DDX25: variants seen among roughly 807,000 people sequenced by gnomAD.
The protein encoded by DDX25 is ATP-dependent RNA helicase DDX25.
DDX25 carries 70 observed loss-of-function variants against 64.6 expected under a neutral mutation model. The ratio of observed to expected loss-of-function variants is 1.08; its 90% CI spans 0.89 to 1.32. The LOEUF is 1.32. DDX25 is among the 40% of genes most tolerant of loss of function. The pLI, the probability that DDX25 is intolerant of heterozygous loss-of-function variation, is 0.00. For synonymous variants in DDX25, 211 were observed against 213.3 expected (o/e 0.99, Z 0.09); for missense variants, 587 against 604.4 (o/e 0.97, Z 0.30).
At position 125,925,583 on chromosome 11, in the gene DDX25, G is replaced by A. The variant is rs1945159774; in HGVS notation, c.*2702G>A. ...GGCAAGGAAACACCAGGTGATTTCA[G>A]TGCAACTGTGAGCTGGGTTCATCAG... On this transcript the variant is annotated 3_prime_UTR_variant, in exon 12 of 12. Transcript: ENST00000263576. The A allele has an allele frequency of 2.4e-6, 1 of 409,162 alleles. No individual in the cohort carries two copies. The highest frequency in any genetic ancestry group is 1.7e-5 in the South Asian group (1 of 58,214). The allele number at this position is 409,162 out of a possible 1,614,324, so 25.3% of individuals were successfully genotyped here.
In DDX25 at chr11:125,920,924, A is replaced by G. The variant is rs1591521772; in HGVS notation, c.1202-267A>G. Reference sequence around the variant, plus strand: ...CTCTCCACCACACACACACATACACACACACACACACACACACACACACAC... The same window carrying G: ...CTCTCCACCACACACACACATACACGCACACACACACACACACACACACAC... On this transcript the variant is annotated intron_variant, in intron 10 of 11. Coordinates refer to ENST00000263576, the MANE Select transcript of DDX25 (RefSeq NM_013264.5). The G allele has an allele frequency of 6.0e-5, 9 of 150,012 alleles. No homozygotes were observed. In the East Asian group the frequency reaches 7.4e-4, roughly 12 times the overall value. 9.3% of individuals were successfully genotyped at this position (150,012 alleles called of 1,614,324 possible).
chr11:125,916,854 G>T (rs1279162431), intron 8 of DDX25, among the ~76,000 whole-genome samples, 160 bp from the exon 9 acceptor site: 1 of 152,170 alleles, frequency 6.6e-6, no homozygotes, highest in Admixed American at 6.6e-5. Flanking sequence ...GCAAGGAGGG[G>T]CAGGACCTTG....
chr11:125,904,466 C>G (rs1944846320), upstream of DDX25: 2 of 1,445,418 alleles, frequency 1.4e-6, no homozygotes, highest in Non-Finnish European at 1.8e-6. Context: ...CCAGCACCGC[C>G]TCGCGCCGGT....
chr11:125,905,422 C>A, intron 2 of DDX25, 131 bp from the exon 3 acceptor site: 1 of 1,327,216 alleles, frequency 7.5e-7, no homozygotes, highest in Non-Finnish European at 1.0e-6. Flanking sequence ...TCGTTTCGTC[C>A]ATTCCTCCAT....
In DDX25 at chr11:125,927,866, A is replaced by C. The variant is rs1159097122; in HGVS notation, c.*4985A>C. The C allele has an allele frequency of 6.6e-6, 1 of 152,182 alleles. No homozygotes were observed. Among genetic ancestry groups the C allele is most frequent in the African/African-American group, 2.4e-5 (1 of 41,438 alleles). The allele number at this position is 152,182 out of a possible 1,614,324, so 9.4% of individuals were successfully genotyped here. On this transcript the variant is annotated 3_prime_UTR_variant, in exon 12 of 12. Transcript: ENST00000263576. ...TGAATAACCAGGAGTTCAGAATAAAATGATCTCGGAGACTCTGTCCATTCT... is the reference window on the plus strand; with the variant it reads ...TGAATAACCAGGAGTTCAGAATAAACTGATCTCGGAGACTCTGTCCATTCT...
intron 8 of DDX25, among the ~76,000 whole-genome samples, chr11:125,911,879 G>A (rs1944973353): frequency 6.6e-6 from 1 of 152,146 alleles, no homozygotes; most frequent in South Asian, 2.1e-4. Flanking sequence ...TCAGGAGACT[G>A]GTAATCTAGT....
chr11:125,905,071 A>G, intron 1 of DDX25, 141 bp from the exon 2 acceptor site: 1 of 712,982 alleles, frequency 1.4e-6, no homozygotes, highest in East Asian at 2.8e-5. Flanking sequence ...CTTGAAAGGA[A>G]TCTGCTGCTA....
chr11:125,916,582 C>T (rs1565466590), intron 8 of DDX25, among the ~76,000 whole-genome samples: 2 of 152,200 alleles, frequency 1.3e-5, no homozygotes, highest in Non-Finnish European at 2.9e-5. Context: ...CATTCTGAAT[C>T]AAGTTAGTTG....
intron 8 of DDX25, among the ~76,000 whole-genome samples, chr11:125,915,309 C>A (rs1366339701): frequency 2.6e-5 from 4 of 152,174 alleles, no homozygotes; most frequent in Admixed American, 2.6e-4. Context: ...TTTCTAATAG[C>A]CACATCCAAA....
In DDX25 at chr11:125,924,736, A is replaced by C. The variant is rs930674221; in HGVS notation, c.*1855A>C. 6.6e-6 allele frequency: 1 copy of C among 152,292 alleles called. No homozygotes were observed. Among genetic ancestry groups the C allele is most frequent in the African/African-American group, 2.4e-5 (1 of 41,472 alleles). 9.4% of individuals were successfully genotyped at this position (152,292 alleles called of 1,614,324 possible). On this transcript the variant is annotated 3_prime_UTR_variant, in exon 12 of 12. Transcript: ENST00000263576. The stretch of plus-strand genomic sequence containing the variant: ...AGAGCCCAGAAATACCCACTTCCAT[A>C]AGGGAGCCGCAAGTGCAGGTAGAGC...
rs1432730098 is a variant in DDX25 at position 125,923,490 on chromosome 11, C to G, written c.*609C>G. 6.6e-6 allele frequency: 1 copy of G among 152,092 alleles called. No homozygotes were observed. Among genetic ancestry groups the G allele is most frequent in the Non-Finnish European group, 1.5e-5 (1 of 68,030 alleles). The allele number at this position is 152,092 out of a possible 1,614,324, so 9.4% of individuals were successfully genotyped here. On this transcript the variant is annotated 3_prime_UTR_variant, in exon 12 of 12. Transcript: ENST00000263576. ...AGTATTTTTCTATTTTGCTTCTCTT[C>G]AAATTAAAGATTTACTCCCTCATCA...
At chr11:125,911,955 T>A (rs1040279905) in intron 8 of DDX25, among the ~76,000 whole-genome samples, 3 of 152,214 alleles carry the variant, frequency 2.0e-5, no homozygotes, top group African/African-American at 7.2e-5. Flanking sequence ...CAGGATCACC[T>A]GAGGGATTTA....
intron 8 of DDX25, 109 bp from the exon 9 acceptor site, chr11:125,916,905 C>T: frequency 3.8e-6 from 4 of 1,048,386 alleles, no homozygotes; most frequent in Non-Finnish European, 5.6e-6. Flanking sequence ...GCAGGCAGCA[C>T]CTCACGTGGA....
intron 4 of DDX25, among the ~76,000 whole-genome samples, chr11:125,906,823 C>CAA (rs548482997): frequency 0.45 from 50,599 of 111,648 alleles, 11,025 homozygotes; most frequent in South Asian, 0.57. Flanking sequence ...GACTCCGTCT[C>CAA]AAAAAAAAAA....
chr11:125,905,669 A>C (rs1324854788), intron 3 of DDX25, 72 bp downstream of exon 3: 1 of 1,419,080 alleles, frequency 7.0e-7, no homozygotes, highest in Non-Finnish European at 9.7e-7. Context: ...AGTGTGAGTG[A>C]ATAATATAAT....
chr11:125,906,854 A>G (rs1944896389), intron 4 of DDX25, among the ~76,000 whole-genome samples: 1 of 151,646 alleles, frequency 6.6e-6, no homozygotes. Context: ...TATTCTAAAG[A>G]AGAACATTAG....
In DDX25 at chr11:125,905,407, C is replaced by A. The variant is rs1021856598; in HGVS notation, c.130+129C>A. ...GACATTCAGCACTCTCCATTACCTT[C>A]CCAATCGTTTCGTCCATTCCTCCAT... On this transcript the variant is annotated intron_variant, in intron 2 of 11. Coordinates refer to ENST00000263576, the MANE Select transcript of DDX25 (RefSeq NM_013264.5). 6.7e-6 allele frequency: 9 copies of A among 1,337,202 alleles called. No individual in the cohort carries two copies. In the African/African-American group the frequency reaches 1.3e-4, roughly 19 times the overall value. The allele number at this position is 1,337,202 out of a possible 1,614,324, so 82.8% of individuals were successfully genotyped here.
In DDX25 at chr11:125,923,780, C is replaced by T. The variant is rs1411262131; in HGVS notation, c.*899C>T. On this transcript the variant is annotated 3_prime_UTR_variant, in exon 12 of 12. Transcript: ENST00000263576. ...AAGATGGGGTAAATGGAGAGTCCCC[C>T]AGAAAGCCGGAGCGGATCTTGTAAC... is the stretch of plus-strand genomic sequence containing the variant. 7 of 152,104 alleles carry T rather than the reference C, an allele frequency of 4.6e-5. No individual in the cohort carries two copies. The highest frequency in any genetic ancestry group is 1.7e-4 in the African/African-American group (7 of 41,416). 9.4% of individuals were successfully genotyped at this position (152,104 alleles called of 1,614,324 possible).
At position 125,910,418 on chromosome 11, in the gene DDX25, G is replaced by A. The variant is rs1014149490; in HGVS notation, c.562G>A (p.Glu188Lys). 1.2e-6 allele frequency: 2 copies of A among 1,613,998 alleles called. No individual in the cohort carries two copies. Among genetic ancestry groups the A allele is most frequent in the Non-Finnish European group, 1.7e-6 (2 of 1,179,898 alleles). The change falls in exon 7 of 12, where the codon GAG becomes AAG. Residue 188 changes from glutamate (E) to lysine (K), a missense_variant. Physicochemically the swap from Glu to Lys is moderately conservative, Grantham distance 56. Coordinates refer to ENST00000263576, the MANE Select transcript of DDX25 (RefSeq NM_013264.5). ...ELALQTGRVV[E>K]QMGKFCVDVQ... is the part of the protein sequence containing the mutation. The stretch of plus-strand genomic sequence containing the variant: ...GGCTCTGCAAACTGGCCGTGTGGTT[G>A]AGCAGATGGGAAAATTCTGTGTGGA...
Sources: allele counts gnomAD v4.1 joint callset (sites outside exome capture counted in the v4.1 genomes callset), GRCh38; gene constraint gnomAD v4.1.1; transcripts MANE v1.5; gene names NCBI Gene and HGNC (gene_info 2026-07-23, HGNC 2026-07-21).